Variants in DOCK8 observed in about 807,000 individuals in gnomAD.
The protein encoded by DOCK8 is dedicator of cytokinesis 8.
In DOCK8, 141 loss-of-function variants were observed where a neutral mutation model predicts 245.6. The ratio of observed to expected loss-of-function variants is 0.57; its 90% CI spans 0.50 to 0.66. The LOEUF (loss-of-function observed/expected upper bound fraction) is 0.66, where lower values mean the gene tolerates loss of function less well. DOCK8 is among the 30% of genes least tolerant of loss of function. The pLI is 0.00. For missense variants in DOCK8, 2,965 were observed against 2,603.4 expected, an observed-to-expected ratio of 1.14 and a Z score of -3.02; for synonymous variants, 1,168 against 970.2, an observed-to-expected ratio of 1.20 and a Z score of -3.79.
intron 14 of DOCK8, among the ~76,000 whole-genome samples, chr9:343,315 A>G (rs1332851077): frequency 6.6e-6 from 1 of 152,078 alleles, no homozygotes; most frequent in African/African-American, 2.4e-5. Flanking sequence ...CAACATAGTG[A>G]GACCCCCATC....
At chr9:356,898 G>T (rs1451267612) in intron 14 of DOCK8, among the ~76,000 whole-genome samples, 1 of 152,172 alleles carries the variant, frequency 6.6e-6, no homozygotes, top group East Asian at 1.9e-4. Context: ...TTTCAATCAG[G>T]ATCGGGGAGA....
intron 46 of DOCK8, chr9:454,392 G>GGTAT (rs2057561936): frequency 6.6e-6 from 1 of 152,142 alleles, no homozygotes; most frequent in Admixed American, 6.5e-5. Flanking sequence ...CTTTATCATA[G>GGTAT]GTATGTATGT....
intron 26 of DOCK8, among the ~76,000 whole-genome samples, chr9:402,383 G>A (rs1480109742): frequency 6.6e-6 from 1 of 152,152 alleles, no homozygotes; most frequent in African/African-American, 2.4e-5. Context: ...GTGATTGGGA[G>A]CATCAGCCTT....
At chr9:246,991 T>A (rs997039348) in intron 1 of DOCK8, among the ~76,000 whole-genome samples, 1 of 152,102 alleles carries the variant, frequency 6.6e-6, no homozygotes, top group African/African-American at 2.4e-5. Flanking sequence ...AGAAAAAAAA[T>A]GAGATTTTTC....
chr9:406,875 G>A (rs1222165742), intron 27 of DOCK8, 55 bp from the exon 28 acceptor site: 7 of 1,612,214 alleles, frequency 4.3e-6, no homozygotes, highest in African/African-American at 2.7e-5. Flanking sequence ...ACTGGCCATC[G>A]CTATTTTCAT....
intron 2 of DOCK8, among the ~76,000 whole-genome samples, chr9:274,987 T>C (rs2048286130): frequency 1.3e-5 from 2 of 152,184 alleles, no homozygotes; most frequent in Admixed American, 1.3e-4. Context: ...CATTTACACG[T>C]CTTTGTTGTT....
At chr9:244,927 C>T (rs1310732176) in intron 1 of DOCK8, among the ~76,000 whole-genome samples, 1 of 152,174 alleles carries the variant, frequency 6.6e-6, no homozygotes, top group East Asian at 1.9e-4. Context: ...TGCCTTTCTC[C>T]AGGGGAATTC....
At chr9:404,325 T>G (rs370686800) in intron 26 of DOCK8, among the ~76,000 whole-genome samples, 1 of 152,066 alleles carries the variant, frequency 6.6e-6, no homozygotes, top group Non-Finnish European at 1.5e-5. Context: ...TCTTCTAGCT[T>G]TCTTTCTCTT....
chr9:216,537 C>CAAAAAAAAAAAAAAAAAAAAAAA (rs59529982), intron 1 of DOCK8, among the ~76,000 whole-genome samples: 17 of 88,916 alleles, frequency 1.9e-4, no homozygotes, highest in South Asian at 4.3e-4. Flanking sequence ...AAAAAACAGA[C>CAAAAAAAAAAAAAAAAAAAAAAA]AAAAAAAAAA....
chr9:309,816 C>A (rs529934724), intron 5 of DOCK8, among the ~76,000 whole-genome samples: 2 of 152,324 alleles, frequency 1.3e-5, no homozygotes, highest in East Asian at 3.9e-4. Context: ...CCTCACAAAT[C>A]ATCTTATTTT....
intron 33 of DOCK8, among the ~76,000 whole-genome samples, chr9:425,748 C>A (rs1209293929): frequency 6.8e-6 from 1 of 146,908 alleles, no homozygotes; most frequent in South Asian, 2.2e-4. Flanking sequence ...TAGAGCAAGA[C>A]CCTGTCTCTA....
At chr9:276,909 A>G in intron 2 of DOCK8, 1 of 261,126 alleles carries the variant, frequency 3.8e-6, no homozygotes, top group Non-Finnish European at 8.2e-6. Context: ...CCCAGGCTCA[A>G]GCGATTCTCC....
chr9:228,762 A>G (rs540331104), intron 1 of DOCK8, among the ~76,000 whole-genome samples: 7 of 152,234 alleles, frequency 4.6e-5, no homozygotes, highest in African/African-American at 1.7e-4. Flanking sequence ...ATTTCTCACA[A>G]TTCTGTGGGT....
chr9:215,408 TC>T (rs776378691), intron 1 of DOCK8: 8 of 1,537,358 alleles, frequency 5.2e-6, no homozygotes, highest in Non-Finnish European at 5.2e-6. Flanking sequence ...AACGGCTCCT[TC>T]CTTTGAGGCA....
intron 43 of DOCK8, among the ~76,000 whole-genome samples, chr9:445,027 G>A (rs975333378): frequency 1.3e-5 from 2 of 152,200 alleles, no homozygotes; most frequent in Non-Finnish European, 2.9e-5. Context: ...GGAAGAATTG[G>A]CCAAATTGAA....
intron 7 of DOCK8, among the ~76,000 whole-genome samples, chr9:325,448 T>A (rs1485158682): frequency 6.6e-6 from 1 of 152,230 alleles, no homozygotes; most frequent in Non-Finnish European, 1.5e-5. Context: ...ATATCCACCA[T>A]GCTTTTGTAA....
intron 23 of DOCK8, among the ~76,000 whole-genome samples, chr9:389,897 C>T (rs1055978867): frequency 1.3e-5 from 2 of 151,886 alleles, no homozygotes; most frequent in African/African-American, 2.4e-5. Flanking sequence ...TGGTGGTGCA[C>T]GCCTTTAGTC....
At chr9:305,397 C>T (rs1218846552) in intron 5 of DOCK8, among the ~76,000 whole-genome samples, 1 of 151,154 alleles carries the variant, frequency 6.6e-6, no homozygotes, top group African/African-American at 2.4e-5. Flanking sequence ...ATTCTGCTGC[C>T]TCAGCCTCCC....
rs1187674173 is a variant in DOCK8, at chr9:418,067, G to T, written c.3701-1G>T. The T allele has an allele frequency of 6.2e-7, 1 of 1,614,204 alleles. No individual in the cohort carries two copies. The highest frequency in any genetic ancestry group is 2.2e-5 in the East Asian group (1 of 44,892). On this transcript the variant is annotated splice_acceptor_variant, in intron 29 of 47. Transcript: ENST00000432829. LOFTEE classifies it high-confidence loss of function. ...CATCACAAACGATGTTTTCATTGCA[G>T]TTGCAGATACTCGCAGATACCGCAC...
Sources: allele counts gnomAD v4.1 joint callset (sites outside exome capture counted in the v4.1 genomes callset), GRCh38; gene constraint gnomAD v4.1.1; transcripts MANE v1.5; gene names NCBI Gene and HGNC (gene_info 2026-07-23, HGNC 2026-07-21).